The following GRM5 variants were observed in gnomAD, a reference collection of about 807,000 sequenced individuals.
The protein encoded by GRM5 is glutamate metabotropic receptor 5, also known as metabotropic glutamate receptor 5.
In GRM5, 19 loss-of-function variants were observed where a neutral mutation model predicts 83.1. The ratio of observed to expected loss-of-function variants is 0.23; its 90% CI spans 0.16 to 0.34. The LOEUF is 0.34. Among genes scored for constraint, GRM5 ranks in the 10% least tolerant of loss-of-function variants. The pLI is 1.00. For missense variants in GRM5, 1,160 were observed against 1,588.3 expected (o/e 0.73, Z 4.58); for synonymous variants, 675 against 633.6 (o/e 1.07, Z -0.98).
At chr11:89,061,880 TA>T (rs1487849302) in intron 1 of GRM5, among the ~76,000 whole-genome samples, 1 of 152,220 alleles carries the variant, frequency 6.6e-6, no homozygotes, top group Non-Finnish European at 1.5e-5. Flanking sequence ...CACAAACCTC[TA>T]GGGGTGCAAT....
At chr11:88,769,248 T>C (rs527594562) in intron 3 of GRM5, among the ~76,000 whole-genome samples, 29 of 152,190 alleles carry the variant, frequency 1.9e-4, no homozygotes, top group African/African-American at 6.7e-4. Context: ...CATATGGTAA[T>C]TGTTTAGACT....
At chr11:89,065,062 C>A (rs1591090666) in intron 1 of GRM5, among the ~76,000 whole-genome samples, 1 of 151,600 alleles carries the variant, frequency 6.6e-6, no homozygotes, top group East Asian at 2.0e-4. Context: ...GGTGTACCAT[C>A]TTTACATGAC....
chr11:88,810,633 C>T (rs1421280529), intron 3 of GRM5, among the ~76,000 whole-genome samples: 2 of 151,956 alleles, frequency 1.3e-5, no homozygotes, highest in East Asian at 3.9e-4. Flanking sequence ...AAACATGCAG[C>T]ATAGGAGGAA....
intron 1 of GRM5, among the ~76,000 whole-genome samples, chr11:89,064,497 T>C (rs1285488210): frequency 6.6e-6 from 1 of 152,082 alleles, no homozygotes; most frequent in Non-Finnish European, 1.5e-5. Flanking sequence ...GCCAACTGCC[T>C]TTAGTACTTT....
At chr11:88,542,158 A>G (rs1033594241) in intron 8 of GRM5, among the ~76,000 whole-genome samples, 14 of 152,198 alleles carry the variant, frequency 9.2e-5, no homozygotes, top group African/African-American at 3.4e-4. Context: ...AGACTAATAC[A>G]CTATGAGATA....
At chr11:88,678,123 A>C (rs1368706348) in intron 3 of GRM5, among the ~76,000 whole-genome samples, 1 of 151,960 alleles carries the variant, frequency 6.6e-6, no homozygotes, top group African/African-American at 2.4e-5. Context: ...CAGTAGCATA[A>C]TCATAGCTCT....
chr11:88,545,666 T>C (rs1942371788), intron 8 of GRM5, among the ~76,000 whole-genome samples: 1 of 152,104 alleles, frequency 6.6e-6, no homozygotes, highest in Non-Finnish European at 1.5e-5. Flanking sequence ...CAACATTCAA[T>C]CAGTTATTAA....
intron 2 of GRM5, among the ~76,000 whole-genome samples, chr11:88,887,230 T>C (rs2135580282): frequency 6.6e-6 from 1 of 152,300 alleles, no homozygotes; most frequent in South Asian, 2.1e-4. Flanking sequence ...TCCATACATT[T>C]TTAAGACACC....
Position 88,798,103 on chromosome 11 carries a change from T to C in GRM5, c.911+51803A>G, listed in dbSNP as rs1485137879. Among the ~76,000 whole-genome samples, 5 of 152,304 alleles carry C rather than the reference T, an allele frequency of 3.3e-5. No individual in the cohort carries two copies. In the East Asian group the frequency reaches 9.7e-4, roughly 29 times the overall value. ...CTTAGCAAATAGCAAACTCCTCTTTTTTCCTTAAGTCCCAGGTCAAGTATC... is the reference window on the plus strand; with the variant it reads ...CTTAGCAAATAGCAAACTCCTCTTTCTTCCTTAAGTCCCAGGTCAAGTATC... On this transcript the variant is annotated intron_variant, in intron 3 of 9. Coordinates refer to ENST00000305447, the MANE Select transcript of GRM5 (RefSeq NM_001143831.3).
intron 4 of GRM5, among the ~76,000 whole-genome samples, chr11:88,615,080 C>G (rs1938434496): frequency 6.6e-6 from 1 of 152,116 alleles, no homozygotes; most frequent in Non-Finnish European, 1.5e-5. Flanking sequence ...CCGATCAAAA[C>G]AAGATCTTAA....
chr11:89,057,118 T>C (rs889215496), intron 1 of GRM5, among the ~76,000 whole-genome samples: 1 of 152,146 alleles, frequency 6.6e-6, no homozygotes, highest in African/African-American at 2.4e-5. Context: ...TTATATAACT[T>C]AATCTCCACA....
chr11:88,516,802 G>A (rs1941532640), intron 9 of GRM5, among the ~76,000 whole-genome samples: 1 of 151,896 alleles, frequency 6.6e-6, no homozygotes, highest in South Asian at 2.1e-4. Flanking sequence ...GAATTCTTGG[G>A]ATGCTGAGCA....
chr11:88,681,398 C>T, intron 3 of GRM5, among the ~76,000 whole-genome samples: 1 of 151,574 alleles, frequency 6.6e-6, no homozygotes, highest in Non-Finnish European at 1.5e-5. Context: ...TTACTTTTTG[C>T]TCTTTGATTT....
chr11:89,026,282 CA>C (rs1202622032), intron 2 of GRM5, among the ~76,000 whole-genome samples: 2 of 152,128 alleles, frequency 1.3e-5, no homozygotes, highest in East Asian at 3.9e-4. Flanking sequence ...ACCCATGTAA[CA>C]AACCTGCACA....
At chr11:88,794,078 C>T (rs3862366) in intron 3 of GRM5, among the ~76,000 whole-genome samples, 13,394 of 152,102 alleles carry the variant, frequency 0.088, 1,116 homozygotes, top group African/African-American at 0.23. Context: ...CTGCCTCAGC[C>T]TTTAGCCTCG....
chr11:88,859,873 A>G (rs1203012185), intron 2 of GRM5, among the ~76,000 whole-genome samples: 1 of 152,198 alleles, frequency 6.6e-6, no homozygotes, highest in East Asian at 1.9e-4. Flanking sequence ...GCACTAAATG[A>G]TTCAGTCCCC....
chr11:89,025,380 G>T (rs1276053040), intron 2 of GRM5, among the ~76,000 whole-genome samples: 4 of 152,014 alleles, frequency 2.6e-5, no homozygotes, highest in Non-Finnish European at 5.9e-5. Flanking sequence ...TCATATTGAT[G>T]AAGACTTCAG....
At chr11:88,638,660 A>G (rs10831204) in intron 4 of GRM5, among the ~76,000 whole-genome samples, 8,491 of 152,174 alleles carry the variant, frequency 0.056, 488 homozygotes, top group African/African-American at 0.15. Flanking sequence ...ATTCAGTTTA[A>G]CAAATATAGG....
chr11:88,795,312 C>T (rs1400947977), intron 3 of GRM5, among the ~76,000 whole-genome samples: 8 of 152,152 alleles, frequency 5.3e-5, no homozygotes, highest in African/African-American at 1.9e-4. Context: ...GCCCAGTGAC[C>T]TCCATGCTAC....
Sources: allele counts gnomAD v4.1 joint callset (sites outside exome capture counted in the v4.1 genomes callset), GRCh38; gene constraint gnomAD v4.1.1; transcripts MANE v1.5; gene names NCBI Gene and HGNC (gene_info 2026-07-23, HGNC 2026-07-21).